Variants in ADAMTS9 observed in about 807,000 individuals in gnomAD.
The protein encoded by ADAMTS9 is ADAM metallopeptidase with thrombospondin type 1 motif 9.
A neutral mutation model predicts 257.1 loss-of-function variants in ADAMTS9; 107 were observed. The ratio of observed to expected loss-of-function variants is 0.42; its 90% CI spans 0.36 to 0.49. The LOEUF is 0.49. Among genes scored for constraint, ADAMTS9 ranks in the 20% least tolerant of loss-of-function variants. The pLI, the probability that ADAMTS9 is intolerant of heterozygous loss-of-function variation, is 0.03. For synonymous variants in ADAMTS9, 982 were observed against 880.9 expected, an observed-to-expected ratio of 1.11 and a Z score of -2.03; for missense variants, 2,353 against 2,469.1, an observed-to-expected ratio of 0.95 and a Z score of 1.00.
intron 15 of ADAMTS9, 28 bp downstream of exon 15, chr3:64,631,780 C>T (rs1359006978): frequency 3.2e-6 from 5 of 1,562,978 alleles, no homozygotes; most frequent in Non-Finnish European, 3.5e-6. Context: ...CATATTCCTT[C>T]TCATGGTTCT....
chr3:64,607,584 C>T (rs2084582285), intron 22 of ADAMTS9, among the ~76,000 whole-genome samples: 2 of 152,070 alleles, frequency 1.3e-5, no homozygotes, highest in Non-Finnish European at 2.9e-5. Context: ...ATAATGTAGC[C>T]ACTAAAAGGC....
At chr3:64,671,150 T>G (rs1027782006) in intron 3 of ADAMTS9, among the ~76,000 whole-genome samples, 2 of 152,194 alleles carry the variant, frequency 1.3e-5, no homozygotes, top group African/African-American at 4.8e-5. Context: ...GGGTAATGGT[T>G]AAAGAAATGG....
chr3:64,639,293 G>GTTTTTTGTTTTTTTTTTT (rs1700576331), intron 12 of ADAMTS9, among the ~76,000 whole-genome samples: 1 of 56,938 alleles, frequency 1.8e-5, no homozygotes, highest in Non-Finnish European at 2.9e-5. Context: ...TAGGTGGATT[G>GTTTTTTGTTTTTTTTTTT]TTTTTTTTTT....
chr3:64,565,614 T>A (rs2083524945), intron 29 of ADAMTS9: 1 of 152,264 alleles, frequency 6.6e-6, no homozygotes, highest in Non-Finnish European at 1.5e-5. Context: ...TTTTGATCTT[T>A]ATTTTAAAAA....
rs199582068 is a variant in ADAMTS9, at chr3:64,658,592, C to T, written c.879G>A (p.Arg293=). ...CTGCCACCACCAAGACTTCTACAAA[C>T]CGTGGATAGGATAAAAAACGTTTTG... ...RRTKRFLSYP[R]FVEVLVVADN... is the part of the protein sequence containing the mutation. The change falls in exon 4 of 40, where the codon CGG becomes CGA. Residue 293 remains arginine, a synonymous_variant. Transcript: ENST00000498707. The T allele has an allele frequency of 4.2e-5, 67 of 1,614,142 alleles. No individual in the cohort carries two copies. In the Middle Eastern group the frequency reaches 1.6e-3, roughly 40 times the overall value.
chr3:64,586,246 C>T (rs2084150061), intron 28 of ADAMTS9, among the ~76,000 whole-genome samples: 1 of 151,852 alleles, frequency 6.6e-6, no homozygotes, highest in African/African-American at 2.4e-5. Context: ...TAATTCTGAG[C>T]ACAAAGTAAA....
At chr3:64,661,718 G>A (rs1375255285) in intron 3 of ADAMTS9, among the ~76,000 whole-genome samples, 1 of 151,930 alleles carries the variant, frequency 6.6e-6, no homozygotes, top group Non-Finnish European at 1.5e-5. Context: ...GAAGATTTTT[G>A]CTTTTTACAA....
chr3:64,627,527 T>A (rs1700254130), intron 16 of ADAMTS9, among the ~76,000 whole-genome samples: 1 of 152,122 alleles, frequency 6.6e-6, no homozygotes, highest in South Asian at 2.1e-4. Context: ...ACGAACATGG[T>A]GGCCCTGGGT....
At position 64,541,542 on chromosome 3, in the gene ADAMTS9, C is replaced by G. The variant is rs141560382; in HGVS notation, c.5276G>C (p.Arg1759Thr). 3.9e-5 allele frequency: 63 copies of G among 1,613,834 alleles called. No homozygotes were observed. The highest frequency in any genetic ancestry group is 4.9e-5 in the Non-Finnish European group (58 of 1,179,848). ...SEDGEYFLMI[R>T]GKLLKIFCAG... ...GACATTCACCTTCAGAAGCTTTCCTCTAATCATCAGGAAATATTCACCATC... is the reference window on the plus strand; with the variant it reads ...GACATTCACCTTCAGAAGCTTTCCTGTAATCATCAGGAAATATTCACCATC... The change falls in exon 34 of 40, where the codon AGA becomes ACA. Residue 1759 changes from arginine (R) to threonine (T), a missense_variant. Coordinates refer to ENST00000498707, the MANE Select transcript of ADAMTS9 (RefSeq NM_182920.2).
At chr3:64,540,099 G>A (rs2083101443) in intron 36 of ADAMTS9, among the ~76,000 whole-genome samples, 1 of 152,200 alleles carries the variant, frequency 6.6e-6, no homozygotes, top group South Asian at 2.1e-4. Flanking sequence ...AAATCCCAGT[G>A]CTCCATTCTG....
chr3:64,659,685 T>G (rs1435261946), intron 3 of ADAMTS9, among the ~76,000 whole-genome samples: 2 of 152,108 alleles, frequency 1.3e-5, no homozygotes, highest in African/African-American at 4.8e-5. Context: ...GAATTTTTAA[T>G]TAACTTACTC....
intron 35 of ADAMTS9, 33 bp downstream of exon 35, chr3:64,541,287 G>T (rs2106910894): frequency 1.2e-6 from 2 of 1,613,924 alleles, no homozygotes; most frequent in East Asian, 2.2e-5. Flanking sequence ...GGATCTCCAG[G>T]CCTCTGAGAT....
rs745714664 is a variant in ADAMTS9, at chr3:64,641,966, T to C, written c.1738A>G (p.Lys580Glu). ...KHCKYGFCVP[K>E]EMDVPVTDGS... is the part of the protein sequence containing the mutation. ...TCTGTCACGGGGACATCCATTTCTT[T>C]GGGAACACAAAATCCATACTTGCAG... is the stretch of plus-strand genomic sequence containing the variant. Residue 580 changes from lysine (K) to glutamate (E), a missense_variant, in exon 12 of 40, where the codon AAA becomes GAA. Transcript: ENST00000498707. 6.2e-6 allele frequency: 10 copies of C among 1,614,004 alleles called. No homozygotes were observed. Among genetic ancestry groups the C allele is most frequent in the East Asian group, 2.2e-5 (1 of 44,864 alleles).
rs755409182 is a variant in ADAMTS9, at chr3:64,616,150, C to T, written c.2834G>A (p.Ser945Asn). ...CAAGCCACACTGGGCACTACATTCA[C>T]TCCTGCTGGCAACATGCCACCTATG... The part of the protein sequence containing the change: ...CDLRWHVASR[S>N]ECSAQCGLGY... The change falls in exon 20 of 40, where the codon AGT (serine) becomes AAT (asparagine). Residue 945 changes from serine (S) to asparagine (N), a missense_variant. Ser to Asn is a conservative substitution (Grantham distance 46, BLOSUM62 1). Coordinates refer to ENST00000498707, the MANE Select transcript of ADAMTS9 (RefSeq NM_182920.2). 1.1e-5 allele frequency: 17 copies of T among 1,613,964 alleles called. No homozygotes were observed. Among genetic ancestry groups the T allele is most frequent in the Middle Eastern group, 1.6e-4 (1 of 6,078 alleles).
chr3:64,599,001 A>G (rs970055321), intron 26 of ADAMTS9, among the ~76,000 whole-genome samples: 4 of 152,120 alleles, frequency 2.6e-5, no homozygotes, highest in Non-Finnish European at 4.4e-5. Flanking sequence ...AATATGTCTG[A>G]TGGGTGCAAG....
intron 19 of ADAMTS9, among the ~76,000 whole-genome samples, chr3:64,619,385 A>G (rs921762654): frequency 1.3e-5 from 2 of 152,202 alleles, no homozygotes; most frequent in South Asian, 2.1e-4. Context: ...ACTCATCGTT[A>G]TAACTGAATT....
At chr3:64,594,173 G>T in intron 28 of ADAMTS9, 85 bp downstream of exon 28, 1 of 1,421,446 alleles carries the variant, frequency 7.0e-7, no homozygotes, top group Non-Finnish European at 9.6e-7. Context: ...TTGTAAGTGT[G>T]ACAATTATCT....
At position 64,522,242 on chromosome 3, in the gene ADAMTS9, C is replaced by T. The variant is rs772411361; in HGVS notation, c.5737G>A (p.Gly1913Arg). ...KKSPDGTRVV[G>R]KCGGYCGKCT... ...TTTCCACAGTAACCACCGCATTTCC[C>T]TACGACTCGGGTACCATCCTGCAAG... Residue 1913 changes from glycine to arginine, a missense_variant, in exon 39 of 40, where the codon GGG becomes AGG. Physicochemically the swap from Gly to Arg is moderately radical, Grantham distance 125. Coordinates refer to ENST00000498707, the MANE Select transcript of ADAMTS9 (RefSeq NM_182920.2). 1.2e-6 allele frequency: 2 copies of T among 1,614,042 alleles called. No homozygotes were observed. Among genetic ancestry groups the T allele is most frequent in the South Asian group, 1.1e-5 (1 of 91,080 alleles).
intron 31 of ADAMTS9, among the ~76,000 whole-genome samples, chr3:64,547,240 G>T (rs1025476868): frequency 9.2e-5 from 14 of 152,272 alleles, no homozygotes; most frequent in Admixed American, 3.3e-4. Flanking sequence ...GGAGGAGGGG[G>T]AGGTGCTCCA....
Sources: allele counts gnomAD v4.1 joint callset (sites outside exome capture counted in the v4.1 genomes callset), GRCh38; gene constraint gnomAD v4.1.1; transcripts MANE v1.5; gene names NCBI Gene and HGNC (gene_info 2026-07-23, HGNC 2026-07-21).